Variants in MICAL3 observed in about 807,000 individuals in gnomAD.
MICAL3 encodes the protein microtubule associated monooxygenase, calponin and LIM domain containing 3, also known as [F-actin]-monooxygenase MICAL3.
In MICAL3, 62 loss-of-function variants were observed where a neutral mutation model predicts 207.4. The observed-to-expected ratio is 0.30, with a 90% confidence interval of 0.24 to 0.37. MICAL3 has a LOEUF of 0.37. Ranked by LOEUF, MICAL3 falls within the 10% of genes least tolerant of loss-of-function variation. The probability of loss-of-function intolerance (pLI) is 1.00; values close to 1 mark genes in which losing one functional copy is unlikely to be tolerated. For missense variants in MICAL3, 2,368 were observed against 2,635.6 expected (o/e 0.90, Z 2.22); for synonymous variants, 1,077 against 1,069.3 (o/e 1.01, Z -0.14).
intron 19 of MICAL3, chr22:17,864,616 C>A (rs1926865142): frequency 1.3e-6 from 2 of 1,547,436 alleles, no homozygotes; most frequent in Non-Finnish European, 1.7e-6. Flanking sequence ...GGCTGAGGGA[C>A]AGCACTTCAC....
At chr22:17,798,673 C>CTTT (rs375673869) in intron 29 of MICAL3, among the ~76,000 whole-genome samples, 16,420 of 130,434 alleles carry the variant, frequency 0.13, 1,983 homozygotes, top group African/African-American at 0.3. Context: ...GGAGCAATGC[C>CTTT]TTTTTTTTTT....
chr22:18,021,935 T>C (rs1311242283), intron 1 of MICAL3, among the ~76,000 whole-genome samples: 1 of 152,170 alleles, frequency 6.6e-6, no homozygotes, highest in African/African-American at 2.4e-5. Context: ...TCGCAGGAGA[T>C]CTTAACCCCT....
At chr22:17,829,111 T>C (rs1922512051) in intron 21 of MICAL3, among the ~76,000 whole-genome samples, 1 of 152,132 alleles carries the variant, frequency 6.6e-6, no homozygotes, top group Non-Finnish European at 1.5e-5. Flanking sequence ...TGCTGGTCTC[T>C]ATAGATGTTG....
intron 1 of MICAL3, among the ~76,000 whole-genome samples, chr22:17,939,087 A>G (rs1933690452): frequency 6.6e-6 from 1 of 152,152 alleles, no homozygotes; most frequent in Non-Finnish European, 1.5e-5. Flanking sequence ...TTAATGGGTT[A>G]TCATGGGAGT....
chr22:17,822,003 T>G, intron 24 of MICAL3, 27 bp downstream of exon 24: 2 of 1,611,220 alleles, frequency 1.2e-6, no homozygotes, highest in Non-Finnish European at 1.7e-6. Flanking sequence ...TTCTGAAAGT[T>G]GTTTCTCCCA....
At position 18,002,677 on chromosome 22, in the gene MICAL3, C is replaced by A. The variant is rs114524584; in HGVS notation, c.-75+21604G>T. On this transcript the variant is annotated intron_variant, in intron 1 of 31. Transcript: ENST00000441493. ...ATAGAGCGAATTGAACCAAATATAT[C>A]TTGTATGACCTTGAGCAGGTAAGTA... 4.4e-3 allele frequency among the ~76,000 whole-genome samples: 674 copies of A among 152,176 alleles called. 5 individuals are homozygous for A. Among genetic ancestry groups the A allele is most frequent in the African/African-American group, 0.015 (637 of 41,522 alleles).
chr22:17,919,292 T>A (rs1223712387), intron 1 of MICAL3, among the ~76,000 whole-genome samples: 3 of 152,202 alleles, frequency 2.0e-5, no homozygotes, highest in Admixed American at 2.0e-4. Flanking sequence ...ACTCCTGGGC[T>A]TCAAGCAATC....
At chr22:17,835,323 C>G (rs563297118) in intron 20 of MICAL3, among the ~76,000 whole-genome samples, 34 of 152,356 alleles carry the variant, frequency 2.2e-4, no homozygotes, top group African/African-American at 8.2e-4. Flanking sequence ...GCCCACCTCC[C>G]AGACACCTTG....
intron 19 of MICAL3, among the ~76,000 whole-genome samples, chr22:17,850,246 AG>A (rs549955452): frequency 2.0e-5 from 3 of 152,116 alleles, no homozygotes; most frequent in Admixed American, 1.3e-4. Context: ...CCCAAATGGG[AG>A]GGGGGCCACC....
intron 1 of MICAL3, among the ~76,000 whole-genome samples, chr22:17,926,658 C>T (rs1274834195): frequency 3.3e-5 from 5 of 152,230 alleles, no homozygotes; most frequent in Admixed American, 2.0e-4. Context: ...AGTCAGAACT[C>T]CAGGTGTTGG....
intron 19 of MICAL3, chr22:17,863,364 C>T: frequency 1.0e-6 from 1 of 985,282 alleles, no homozygotes; most frequent in African/African-American, 1.7e-5. Context: ...TAAGGTGGTG[C>T]TCTCTCCAAC....
intron 1 of MICAL3, among the ~76,000 whole-genome samples, chr22:17,961,334 C>T (rs1934903180): frequency 6.6e-6 from 1 of 152,176 alleles, no homozygotes; most frequent in South Asian, 2.1e-4. Flanking sequence ...AAATCTCCTT[C>T]CCGCTGGGTC....
chr22:17,817,813 C>A lies in MICAL3; in HGVS notation c.4848G>T (p.Gln1616His), dbSNP rs773481217. The A allele has an allele frequency of 2.7e-5, 43 of 1,609,754 alleles. No individual in the cohort carries two copies. Among genetic ancestry groups the A allele is most frequent in the Non-Finnish European group, 3.5e-5 (41 of 1,178,340 alleles). Residue 1616 changes from glutamine to histidine, a missense_variant, in exon 26 of 32, where the codon CAG becomes CAT. Gln to His is a conservative substitution (Grantham distance 24, BLOSUM62 0). Coordinates refer to ENST00000441493, the MANE Select transcript of MICAL3 (RefSeq NM_015241.3). ...SQALRDAMAR[Q>H]LSRMQQMELA... Reference sequence around the variant, plus strand: ...GCTCCATCTGCTGCATCCTGCTCAGCTGCCTGGCCATGGCGTCCCGCAGCG... The same window carrying A: ...GCTCCATCTGCTGCATCCTGCTCAGATGCCTGGCCATGGCGTCCCGCAGCG...
intron 29 of MICAL3, among the ~76,000 whole-genome samples, chr22:17,799,012 A>G (rs1433358941): frequency 7.2e-5 from 11 of 152,282 alleles, no homozygotes; most frequent in East Asian, 3.9e-4. Context: ...CGGAGACACC[A>G]AAGAGCTTTT....
At chr22:17,908,456 C>T (rs948737907) in intron 1 of MICAL3, among the ~76,000 whole-genome samples, 1 of 152,186 alleles carries the variant, frequency 6.6e-6, no homozygotes, top group South Asian at 2.1e-4. Context: ...TACAGGCACC[C>T]GCCACCACGC....
intron 20 of MICAL3, among the ~76,000 whole-genome samples, chr22:17,837,211 G>C (rs1362946272): frequency 6.6e-6 from 1 of 152,250 alleles, no homozygotes; most frequent in Non-Finnish European, 1.5e-5. Context: ...TGCAGGAAAA[G>C]GGAGTGAGGC....
At chr22:17,910,707 G>A (rs1243080303) in intron 1 of MICAL3, among the ~76,000 whole-genome samples, 1 of 152,194 alleles carries the variant, frequency 6.6e-6, no homozygotes, top group Non-Finnish European at 1.5e-5. Context: ...TGACAGCATT[G>A]CTCTGTGGCT....
At chr22:17,969,135 C>T (rs140194044) in intron 1 of MICAL3, among the ~76,000 whole-genome samples, 2,610 of 152,096 alleles carry the variant, frequency 0.017, 40 homozygotes, top group African/African-American at 0.039. Flanking sequence ...CTCCACCTCC[C>T]GGGTTCAAGC....
At chr22:17,877,104 GTTA>G (rs1928658595) in intron 16 of MICAL3, among the ~76,000 whole-genome samples, 1 of 142,262 alleles carries the variant, frequency 7.0e-6, no homozygotes, top group Non-Finnish European at 1.5e-5. Context: ...GGTTAGGGAG[GTTA>G]TGGAGGTTAG....
Sources: gnomAD v4.1 joint callset for allele counts (sites outside exome capture counted in the v4.1 genomes callset) on GRCh38, gnomAD v4.1.1 for gene constraint, MANE v1.5 for transcripts, NCBI Gene and HGNC (gene_info 2026-07-23, HGNC 2026-07-21) for gene names.